Variants in PALS1 observed in about 807,000 individuals in gnomAD.
PALS1 encodes protein associated with LIN7 1, MAGUK p55 family member.
In PALS1, 31 loss-of-function variants were observed where a neutral mutation model predicts 78.9. The ratio of observed to expected loss-of-function variants is 0.39; its 90% CI spans 0.30 to 0.53. The LOEUF is 0.53. Among genes scored for constraint, PALS1 ranks in the 20% least tolerant of loss-of-function variants. The pLI is 0.67. For missense variants in PALS1, 704 were observed against 826.5 expected (o/e 0.85, Z 1.82); for synonymous variants, 276 against 270.9 (o/e 1.02, Z -0.18).
intron 13 of PALS1, among the ~76,000 whole-genome samples, chr14:67,323,289 T>G (rs1332048370): frequency 6.8e-6 from 1 of 147,364 alleles, no homozygotes; most frequent in Admixed American, 6.8e-5. Context: ...TCACAGTATA[T>G]TCTTACAGTG....
chr14:67,327,561 A>C (rs1035891390), intron 14 of PALS1, among the ~76,000 whole-genome samples: 21 of 152,056 alleles, frequency 1.4e-4, no homozygotes, highest in Middle Eastern at 3.4e-3. Flanking sequence ...ACGTATGTAT[A>C]CATGTGCCAT....
At chr14:67,306,698 C>G (rs1188616984) in intron 8 of PALS1, among the ~76,000 whole-genome samples, 1 of 152,114 alleles carries the variant, frequency 6.6e-6, no homozygotes, top group African/African-American at 2.4e-5. Context: ...ATGAATAACT[C>G]TCAATTGCAA....
chr14:67,284,259 ATT>A (rs993934353), intron 3 of PALS1, among the ~76,000 whole-genome samples: 7 of 151,942 alleles, frequency 4.6e-5, no homozygotes, highest in African/African-American at 1.7e-4. Flanking sequence ...ATACCATAAA[ATT>A]TTGTCTTTTA....
intron 1 of PALS1, among the ~76,000 whole-genome samples, chr14:67,250,137 A>G (rs949171882): frequency 6.6e-6 from 1 of 152,194 alleles, no homozygotes; most frequent in Non-Finnish European, 1.5e-5. Flanking sequence ...GATAGACGAA[A>G]GTAACCCTTC....
At chr14:67,312,361 T>G (rs1240690982) in intron 8 of PALS1, among the ~76,000 whole-genome samples, 166 bp from the exon 9 acceptor site, 1 of 152,208 alleles carries the variant, frequency 6.6e-6, no homozygotes, top group Non-Finnish European at 1.5e-5. Flanking sequence ...AAGGATCGCT[T>G]GAGGCTAGAA....
intron 1 of PALS1, among the ~76,000 whole-genome samples, chr14:67,262,318 T>C (rs1183931623): frequency 6.6e-6 from 1 of 152,128 alleles, no homozygotes; most frequent in East Asian, 1.9e-4. Context: ...ATGCAATAAT[T>C]AAAAAATAGA....
intron 1 of PALS1, among the ~76,000 whole-genome samples, chr14:67,254,858 T>G (rs946817162): frequency 6.6e-6 from 1 of 152,164 alleles, no homozygotes; most frequent in Non-Finnish European, 1.5e-5. Flanking sequence ...AAGTTAGAAG[T>G]TGGAATCTCT....
chr14:67,249,500 C>G (rs1220418920), intron 1 of PALS1, among the ~76,000 whole-genome samples: 2 of 152,214 alleles, frequency 1.3e-5, no homozygotes, highest in African/African-American at 2.4e-5. Flanking sequence ...CACTTATTCA[C>G]TTTTTGTTTC....
chr14:67,299,211 A>T (rs1280119076), intron 4 of PALS1, among the ~76,000 whole-genome samples: 1 of 152,202 alleles, frequency 6.6e-6, no homozygotes, highest in African/African-American at 2.4e-5. Flanking sequence ...TTTGTGAAAT[A>T]TCCGGTTAGA....
intron 14 of PALS1, among the ~76,000 whole-genome samples, chr14:67,325,022 A>C (rs1319667809): frequency 6.9e-6 from 1 of 144,524 alleles, no homozygotes; most frequent in Admixed American, 7.3e-5. Context: ...CTCCTGCCTC[A>C]GCCTCCCTAG....
At position 67,302,171 on chromosome 14, in the gene PALS1, G is replaced by C. The variant is rs933323257; in HGVS notation, c.801+53G>C. ...CAAGTGCATTTTTCTGCTGTTGTGT[G>C]CTTCAAAAGTCTGGTTAATTTCAGA... On this transcript the variant is annotated intron_variant, in intron 6 of 14. Transcript: ENST00000261681. 39 of 1,509,406 alleles carry C rather than the reference G, an allele frequency of 2.6e-5. 1 individual carries two copies. The highest frequency in any genetic ancestry group is 5.6e-5 in the South Asian group (4 of 71,808). 93.5% of individuals were successfully genotyped at this position (1,509,406 alleles called of 1,614,324 possible). A position where few individuals can be genotyped will look rare whatever the true frequency, so the allele number is the denominator to read the frequency against.
intron 1 of PALS1, among the ~76,000 whole-genome samples, chr14:67,260,054 T>C (rs901778419): frequency 1.3e-5 from 2 of 152,206 alleles, no homozygotes; most frequent in Non-Finnish European, 2.9e-5. Flanking sequence ...CTCTTCCTCA[T>C]TTATTTAAAG....
At chr14:67,256,901 G>A (rs2084153658) in intron 1 of PALS1, among the ~76,000 whole-genome samples, 1 of 152,050 alleles carries the variant, frequency 6.6e-6, no homozygotes, top group Non-Finnish European at 1.5e-5. Flanking sequence ...AAGAATGTGG[G>A]TATTGTGAAC....
chr14:67,323,643 T>TATATATA, intron 13 of PALS1, 59 bp from the exon 14 acceptor site: 4 of 557,282 alleles, frequency 7.2e-6, no homozygotes, highest in Non-Finnish European at 9.2e-6. Flanking sequence ...TATATCAGTA[T>TATATATA]TATTAGGAAG....
intron 1 of PALS1, among the ~76,000 whole-genome samples, chr14:67,253,758 C>T (rs2084099334): frequency 6.6e-6 from 1 of 151,586 alleles, no homozygotes; most frequent in Non-Finnish European, 1.5e-5. Context: ...GGAGGATTAC[C>T]TAAGCCCAGA....
At position 67,292,521 on chromosome 14, in the gene PALS1, C is replaced by T. The variant is rs148419903; in HGVS notation, c.378C>T (p.Asp126=). The T allele has an allele frequency of 4.0e-5, 64 of 1,607,956 alleles. No individual in the cohort carries two copies. Among genetic ancestry groups the T allele is most frequent in the Non-Finnish European group, 2.8e-5 (33 of 1,175,200 alleles). Reference sequence around the variant, plus strand: ...TTCTTCTTCTACTAGAAATAGAAGACTTGTTTTCTTCACTTAAACATATCC... The same window carrying T: ...TTCTTCTTCTACTAGAAATAGAAGATTTGTTTTCTTCACTTAAACATATCC... ...HYAVKILEIE[D]LFSSLKHIQH... The change falls in exon 4 of 15, where the codon GAC becomes GAT. Residue 126 remains aspartate, a synonymous_variant. Transcript: ENST00000261681.
chr14:67,301,434 C>T lies in PALS1; in HGVS notation c.622C>T (p.Leu208=), dbSNP rs1448691928. The part of the protein sequence containing the change: ...KPVHHKEGQE[L]TALLNTPHIQ... ...AGTTCATCATAAGGAAGGACAAGAA[C>T]TAACTGCTTTGCTGAATACTCCACA... is the stretch of plus-strand genomic sequence containing the variant. Residue 208 remains leucine (L), a synonymous_variant, in exon 5 of 15, where the codon CTA becomes TTA. Transcript: ENST00000261681. 1.2e-6 allele frequency: 2 copies of T among 1,610,708 alleles called. No homozygotes were observed. Among genetic ancestry groups the T allele is most frequent in the Admixed American group, 3.3e-5 (2 of 59,904 alleles).
intron 3 of PALS1, among the ~76,000 whole-genome samples, chr14:67,282,421 T>C (rs1348796788): frequency 6.6e-6 from 1 of 152,120 alleles, no homozygotes; most frequent in African/African-American, 2.4e-5. Flanking sequence ...TTCTAAACAA[T>C]ACATCATCAT....
Position 67,334,895 on chromosome 14 carries a change from T to C in PALS1, c.*1939T>C, listed in dbSNP as rs1439667210. The C allele has an allele frequency of 6.6e-6, 1 of 152,234 alleles. No individual in the cohort carries two copies. The highest frequency in any genetic ancestry group is 1.5e-5 in the Non-Finnish European group (1 of 68,040). The allele number at this position is 152,234 out of a possible 1,614,324, so 9.4% of individuals were successfully genotyped here. A position where few individuals can be genotyped will look rare whatever the true frequency, so the allele number is the denominator to read the frequency against. ...GACAATGGAGTTTTGTGATCCTGCT[T>C]ATTGTAACTGACAACTGTTTTCAAC... On this transcript the variant is annotated 3_prime_UTR_variant, in exon 15 of 15. Transcript: ENST00000261681.
Sources: allele counts gnomAD v4.1 joint callset (sites outside exome capture counted in the v4.1 genomes callset), GRCh38; gene constraint gnomAD v4.1.1; transcripts MANE v1.5; gene names NCBI Gene and HGNC (gene_info 2026-07-23, HGNC 2026-07-21).